The following ZNF148 variants were observed in gnomAD, a reference collection of about 807,000 sequenced individuals.
The protein encoded by ZNF148 is Beta-Enolase Repressor Factor-1.
Under a neutral mutation model 67.7 loss-of-function variants are expected in ZNF148, and 7 were observed. The observed-to-expected ratio is 0.10, with a 90% CI of 0.06 to 0.19. The LOEUF is 0.19. ZNF148 is among the 10% of genes least tolerant of loss of function. The probability of loss-of-function intolerance (pLI) is 1.00; values close to 1 mark genes in which losing one functional copy is unlikely to be tolerated. For missense variants in ZNF148, 583 were observed against 947.1 expected (o/e 0.62, Z 5.05); for synonymous variants, 333 against 330.7 (o/e 1.01, Z -0.08).
chr3:125,279,036 C>T (rs973514177), intron 6 of ZNF148, 88 bp downstream of exon 6: 6 of 1,365,372 alleles, frequency 4.4e-6, no homozygotes, highest in Non-Finnish European at 5.9e-6. Context: ...TAGCTATGGT[C>T]TTAGGAATGA....
At chr3:125,304,014 A>G (rs571108186) in intron 4 of ZNF148, among the ~76,000 whole-genome samples, 1 of 152,116 alleles carries the variant, frequency 6.6e-6, no homozygotes, top group Non-Finnish European at 1.5e-5. Context: ...CCATAAATCT[A>G]TATAATTTTA....
At chr3:125,368,445 G>A (rs1942767783) in intron 1 of ZNF148, among the ~76,000 whole-genome samples, 1 of 152,036 alleles carries the variant, frequency 6.6e-6, no homozygotes, top group Non-Finnish European at 1.5e-5. Flanking sequence ...TTCCTCCTTG[G>A]GAGTGTTTTC....
intron 1 of ZNF148, among the ~76,000 whole-genome samples, chr3:125,371,369 A>G: frequency 2.0e-5 from 1 of 50,836 alleles, no homozygotes; most frequent in Non-Finnish European, 3.9e-5. Flanking sequence ...AAAAAAAAAA[A>G]AAAGGGGGGG....
chr3:125,373,777 CAGA>C (rs1403479724), intron 1 of ZNF148, among the ~76,000 whole-genome samples: 2 of 152,194 alleles, frequency 1.3e-5, no homozygotes, highest in South Asian at 2.1e-4. Context: ...CTGTGAATGG[CAGA>C]AGATCTCCCA....
rs367853059 is a variant in ZNF148, at chr3:125,295,449, T to A, written c.334-7221A>T. ...GCCTGGGCGACAGAGTGAGACTCCA[T>A]CTCAAAAAAAAAAAAAGACAAAATG... is the stretch of plus-strand genomic sequence containing the variant. On this transcript the variant is annotated intron_variant, in intron 4 of 8. Transcript: ENST00000360647. 5.3e-3 allele frequency among the ~76,000 whole-genome samples: 706 copies of A among 132,488 alleles called. 5 individuals carry two copies. The highest frequency in any genetic ancestry group is 0.018 in the African/African-American group (669 of 37,592). 86.9% of individuals were successfully genotyped at this position (132,488 alleles called of 152,430 possible).
Position 125,348,528 on chromosome 3 carries a change from A to G in ZNF148, c.-233-17290T>C, listed in dbSNP as rs376203730. Reference sequence around the variant, plus strand: ...CTATCCAACAGCAACAGCATCAAAAACAATACTTAAACTTAACTAAGGAGG... The same window carrying G: ...CTATCCAACAGCAACAGCATCAAAAGCAATACTTAAACTTAACTAAGGAGG... On this transcript the variant is annotated intron_variant, in intron 1 of 8. Coordinates refer to ENST00000360647, the MANE Select transcript of ZNF148 (RefSeq NM_021964.3). 2.0e-3 allele frequency among the ~76,000 whole-genome samples: 303 copies of G among 151,802 alleles called. 1 individual carries two copies. Among genetic ancestry groups the G allele is most frequent in the African/African-American group, 7.0e-3 (289 of 41,398 alleles).
chr3:125,359,112 G>A (rs1463976610), intron 1 of ZNF148, among the ~76,000 whole-genome samples: 1 of 152,238 alleles, frequency 6.6e-6, no homozygotes, highest in Admixed American at 6.5e-5. Flanking sequence ...GACTGAATCA[G>A]GCAGGGCTGC....
intron 3 of ZNF148, chr3:125,314,818 G>T (rs976244516): frequency 3.3e-5 from 5 of 152,200 alleles, no homozygotes; most frequent in African/African-American, 1.2e-4. Flanking sequence ...AACACTCTAG[G>T]AGGCCGAGGC....
At chr3:125,321,545 T>C (rs1052858029) in intron 3 of ZNF148, among the ~76,000 whole-genome samples, 1 of 152,178 alleles carries the variant, frequency 6.6e-6, no homozygotes, top group African/African-American at 2.4e-5. Flanking sequence ...CAAATACTTA[T>C]CATCTGTTTT....
In ZNF148 at chr3:125,247,623, AG is replaced by A. The variant is rs2107540592; in HGVS notation, c.668-13295del. On this transcript the variant is annotated intron_variant, in intron 7 of 8. Coordinates refer to ENST00000360647, the MANE Select transcript of ZNF148 (RefSeq NM_021964.3). ...AGGCTAATTTTTTTGTATTTTTAGT[AG>A]AGACAGGGTTTCACCATGTTGCCCA... Among the ~76,000 whole-genome samples the A allele has an allele frequency of 1.3e-5, 2 of 152,192 alleles. 1 individual carries two copies. The highest frequency in any genetic ancestry group is 1.3e-4 in the Admixed American group (2 of 15,266).
chr3:125,374,929 G>A (rs1304850929), intron 1 of ZNF148, among the ~76,000 whole-genome samples, 173 bp downstream of exon 1: 2 of 138,204 alleles, frequency 1.4e-5, no homozygotes, highest in African/African-American at 5.4e-5. Context: ...ACGTCCCCCA[G>A]CCAGCCCCAG....
rs1246129408 is a variant in ZNF148 at position 125,361,553 on chromosome 3, C to T, written c.-234+13549G>A. Among the ~76,000 whole-genome samples, 99 of 152,062 alleles carry T rather than the reference C, an allele frequency of 6.5e-4. 1 individual carries two copies. The highest frequency in any genetic ancestry group is 6.1e-3 in the Admixed American group (93 of 15,242). On this transcript the variant is annotated intron_variant, in intron 1 of 8. Coordinates refer to ENST00000360647, the MANE Select transcript of ZNF148 (RefSeq NM_021964.3). ...AGCCATCAACTGAAAAGTGCTAGGCCGGGTGTGGTGGCTCACGTCTGTAAT... is the reference window on the plus strand; with the variant it reads ...AGCCATCAACTGAAAAGTGCTAGGCTGGGTGTGGTGGCTCACGTCTGTAAT...
At position 125,233,613 on chromosome 3, in the gene ZNF148, C is replaced by T. The variant is rs150187376; in HGVS notation, c.1113G>A (p.Ser371=). The change falls in exon 9 of 9, where the codon TCG becomes TCA. Residue 371 remains serine, a synonymous_variant. Transcript: ENST00000360647. The surrounding 1 kb of genome is among the most constrained non-coding windows in gnomAD (Gnocchi z 5.1). The part of the protein sequence containing the change: ...VAEYAVEMPH[S]SVGGSHLEDA... The stretch of plus-strand genomic sequence containing the variant: ...CTTCTAAATGCGAGCCCCCAACTGA[C>T]GAATGTGGCATTTCAACAGCATATT... 1.7e-4 allele frequency: 271 copies of T among 1,613,910 alleles called. 3 individuals carry two copies. In the African/African-American group the frequency reaches 2.8e-3, roughly 17 times the overall value.
At chr3:125,324,671 G>C (rs944536347) in intron 2 of ZNF148, among the ~76,000 whole-genome samples, 1 of 152,164 alleles carries the variant, frequency 6.6e-6, no homozygotes, top group Non-Finnish European at 1.5e-5. Flanking sequence ...ATACATGAAA[G>C]ATCCTATGAT....
intron 3 of ZNF148, among the ~76,000 whole-genome samples, chr3:125,321,352 C>G (rs1478825875): frequency 6.6e-6 from 1 of 151,984 alleles, no homozygotes; most frequent in Non-Finnish European, 1.5e-5. Context: ...AATCAGAAAA[C>G]TTACACGTTA....
chr3:125,373,538 T>TG (rs2107806846), intron 1 of ZNF148, among the ~76,000 whole-genome samples: 1 of 152,196 alleles, frequency 6.6e-6, no homozygotes, highest in African/African-American at 2.4e-5. Context: ...GACATAGAGA[T>TG]GCTAATCCTC....
At chr3:125,265,134 G>A (rs778264892) in intron 7 of ZNF148, among the ~76,000 whole-genome samples, 2 of 152,196 alleles carry the variant, frequency 1.3e-5, no homozygotes, top group Non-Finnish European at 2.9e-5. Context: ...AAGATAGTCT[G>A]TTACTACTGC....
At chr3:125,306,089 T>C (rs1359424426) in intron 4 of ZNF148, among the ~76,000 whole-genome samples, 2 of 152,036 alleles carry the variant, frequency 1.3e-5, no homozygotes, top group African/African-American at 4.8e-5. Flanking sequence ...AATTAACTCA[T>C]GAATCAAAAA....
At chr3:125,331,398 CACTT>C (rs1458788228) in intron 1 of ZNF148, among the ~76,000 whole-genome samples, 160 bp from the exon 2 acceptor site, 2 of 152,222 alleles carry the variant, frequency 1.3e-5, no homozygotes, top group African/African-American at 4.8e-5. Context: ...TAACAACTAA[CACTT>C]AGTCTGAGTG....
Sources: allele counts gnomAD v4.1 joint callset (sites outside exome capture counted in the v4.1 genomes callset), GRCh38; gene constraint gnomAD v4.1.1; non-coding constraint Gnocchi (gnomAD v3.1); transcripts MANE v1.5; gene names NCBI Gene and HGNC (gene_info 2026-07-23, HGNC 2026-07-21).